ARSB: variants seen among roughly 807,000 people sequenced by gnomAD.
ARSB encodes N-acetylgalactosamine-4-sulfatase.
A neutral mutation model predicts 50.9 loss-of-function variants in ARSB; 41 were observed. The observed-to-expected ratio is 0.81, with a 90% CI of 0.63 to 1.04. The LOEUF is 1.04. Ranked by LOEUF, ARSB falls within the 50% of genes least tolerant of loss-of-function variation. ARSB has a pLI of 0.00. For missense variants in ARSB, 672 were observed against 693.3 expected (o/e 0.97, Z 0.35); for synonymous variants, 269 against 284.8 (o/e 0.94, Z 0.56).
intron 5 of ARSB, among the ~76,000 whole-genome samples, chr5:78,841,132 G>GTACTACTACTACTCC (rs1745178459): frequency 7.4e-6 from 1 of 134,660 alleles, no homozygotes; most frequent in Non-Finnish European, 1.6e-5. Context: ...GACCTGGTCT[G>GTACTACTACTACTCC]TACTACTACT....
intron 5 of ARSB, among the ~76,000 whole-genome samples, chr5:78,850,093 A>C (rs975849300): frequency 7.3e-5 from 11 of 151,702 alleles, no homozygotes; most frequent in South Asian, 4.2e-4. Context: ...AACTTCCAAC[A>C]CTATGTTGAA....
At chr5:78,961,723 T>C (rs887076621) in intron 3 of ARSB, among the ~76,000 whole-genome samples, 14 of 152,010 alleles carry the variant, frequency 9.2e-5, no homozygotes, top group African/African-American at 2.9e-4. Flanking sequence ...TTGCACAGAT[T>C]AAGGTATGGC....
chr5:78,848,224 C>A (rs182741044), intron 5 of ARSB, among the ~76,000 whole-genome samples: 2 of 126,454 alleles, frequency 1.6e-5, no homozygotes, highest in African/African-American at 6.0e-5. Context: ...CCCCTCCCCC[C>A]ACCCCACAAC....
intron 6 of ARSB, among the ~76,000 whole-genome samples, chr5:78,823,317 G>A (rs935960182): frequency 1.3e-5 from 2 of 152,200 alleles, no homozygotes; most frequent in Admixed American, 6.5e-5. Context: ...GGCCTGGTGT[G>A]TAATACCAGG....
chr5:78,921,314 T>C (rs1374620126), intron 4 of ARSB, among the ~76,000 whole-genome samples: 1 of 152,086 alleles, frequency 6.6e-6, no homozygotes, highest in Non-Finnish European at 1.5e-5. Context: ...CGGCTAGAAA[T>C]GTGGCTAGTC....
intron 5 of ARSB, among the ~76,000 whole-genome samples, chr5:78,855,056 G>T (rs1235863162): frequency 1.3e-5 from 2 of 152,132 alleles, no homozygotes; most frequent in East Asian, 3.8e-4. Context: ...CAGACTTCAG[G>T]AGGCTAGTAC....
At chr5:78,797,220 C>T (rs189008009) in intron 6 of ARSB, among the ~76,000 whole-genome samples, 1 of 152,202 alleles carries the variant, frequency 6.6e-6, no homozygotes, top group African/African-American at 2.4e-5. Context: ...CCTTGGTCTC[C>T]GAAAGTGCCG....
At chr5:78,863,361 T>A (rs770024793) in intron 5 of ARSB, among the ~76,000 whole-genome samples, 3 of 152,182 alleles carry the variant, frequency 2.0e-5, no homozygotes, top group Admixed American at 2.0e-4. Flanking sequence ...TCAACTCACA[T>A]GTCCATCAAT....
At chr5:78,961,377 C>T (rs1271886937) in intron 3 of ARSB, among the ~76,000 whole-genome samples, 2 of 152,200 alleles carry the variant, frequency 1.3e-5, no homozygotes, top group African/African-American at 4.8e-5. Context: ...CTGAAACTTT[C>T]CTTTGAAGAT....
rs140140830 is a variant in ARSB, at chr5:78,814,845, T to G, written c.1213+24511A>C. ...ATAGCTGAGAGATCCTGAAGCTGCA[T>G]GAAGGGAGGGCCTAGGAAGCTGCAT... is the stretch of plus-strand genomic sequence containing the variant. On this transcript the variant is annotated intron_variant, in intron 6 of 7. Transcript: ENST00000264914. 7.9e-3 allele frequency among the ~76,000 whole-genome samples: 1,190 copies of G among 150,764 alleles called. 62 individuals carry two copies. The highest frequency in any genetic ancestry group is 0.017 in the Middle Eastern group (5 of 294).
chr5:78,880,080 G>A (rs575678356), intron 5 of ARSB, among the ~76,000 whole-genome samples: 17 of 152,206 alleles, frequency 1.1e-4, no homozygotes, highest in African/African-American at 3.1e-4. Flanking sequence ...CACTATGTAC[G>A]GTACTGAAGA....
At chr5:78,881,741 T>C (rs889177550) in intron 5 of ARSB, among the ~76,000 whole-genome samples, 1 of 152,248 alleles carries the variant, frequency 6.6e-6, no homozygotes, top group South Asian at 2.1e-4. Flanking sequence ...ACAGCCTTTT[T>C]AGAAAGCAGT....
intron 4 of ARSB, among the ~76,000 whole-genome samples, chr5:78,940,044 AT>A (rs1478821075): frequency 6.6e-6 from 1 of 152,114 alleles, no homozygotes; most frequent in Non-Finnish European, 1.5e-5. Flanking sequence ...AATGATGAGC[AT>A]TTTTTCATGT....
intron 6 of ARSB, among the ~76,000 whole-genome samples, chr5:78,809,249 G>C (rs1460638273): frequency 6.6e-6 from 1 of 152,230 alleles, no homozygotes; most frequent in Non-Finnish European, 1.5e-5. Context: ...GTGGTGGTCA[G>C]AGCGGCTGGG....
rs138241861 is a variant in ARSB, at chr5:78,806,707, T to C, written c.1214-24733A>G. On this transcript the variant is annotated intron_variant, in intron 6 of 7. Transcript: ENST00000264914. Reference sequence around the variant, plus strand: ...GCCTCATTATGCTCCACCATCAGCTTCTCCTGGATTCCAACTTCATCGTCT... The same window carrying C: ...GCCTCATTATGCTCCACCATCAGCTCCTCCTGGATTCCAACTTCATCGTCT... 6.6e-5 allele frequency among the ~76,000 whole-genome samples: 10 copies of C among 152,274 alleles called. No homozygotes were observed. In the East Asian group the frequency reaches 1.9e-3, roughly 29 times the overall value.
chr5:78,844,969 C>G (rs896766934), intron 5 of ARSB, among the ~76,000 whole-genome samples: 1 of 152,062 alleles, frequency 6.6e-6, no homozygotes, highest in African/African-American at 2.4e-5. Flanking sequence ...CTATAGAGCA[C>G]TAGACCTTAT....
chr5:78,814,241 T>C (rs536895303), intron 6 of ARSB, among the ~76,000 whole-genome samples: 1 of 151,262 alleles, frequency 6.6e-6, no homozygotes, highest in South Asian at 2.1e-4. Flanking sequence ...AATAATCAGA[T>C]GCCATTTGGA....
At chr5:78,966,812 C>T (rs1752225017) in intron 2 of ARSB, among the ~76,000 whole-genome samples, 1 of 151,770 alleles carries the variant, frequency 6.6e-6, no homozygotes, top group Non-Finnish European at 1.5e-5. Context: ...TGAAAAATTT[C>T]TAAGGATGTA....
chr5:78,831,202 G>A (rs1744668533), intron 6 of ARSB, among the ~76,000 whole-genome samples: 1 of 152,058 alleles, frequency 6.6e-6, no homozygotes, highest in Non-Finnish European at 1.5e-5. Flanking sequence ...GAAACAGATG[G>A]CTGGAAGAAC....
Sources: allele counts gnomAD v4.1 joint callset (sites outside exome capture counted in the v4.1 genomes callset), GRCh38; gene constraint gnomAD v4.1.1; transcripts MANE v1.5; gene names NCBI Gene and HGNC (gene_info 2026-07-23, HGNC 2026-07-21).